The following SPECC1 variants were observed in gnomAD, a reference collection of about 807,000 sequenced individuals.
SPECC1 encodes sperm antigen with calponin homology and coiled-coil domains 1.
In SPECC1, 62 loss-of-function variants were observed where a neutral mutation model predicts 104.1. The observed-to-expected ratio is 0.60, with a 90% CI of 0.49 to 0.74. SPECC1 has a LOEUF of 0.74. Among genes scored for constraint, SPECC1 ranks in the 30% least tolerant of loss-of-function variants. The pLI is 0.00. For missense variants in SPECC1, 1,306 were observed against 1,310.5 expected (o/e 1.00, Z 0.05); for synonymous variants, 513 against 501.6 (o/e 1.02, Z -0.30).
intron 3 of SPECC1, among the ~76,000 whole-genome samples, chr17:20,202,213 T>A (rs139274393): frequency 1.2e-4 from 18 of 152,246 alleles, no homozygotes; most frequent in African/African-American, 3.6e-4. Context: ...CTTCCTGATG[T>A]TGTTGCAGTG....
chr17:20,077,183 G>A (rs1436341055), intron 1 of SPECC1, among the ~76,000 whole-genome samples: 1 of 152,066 alleles, frequency 6.6e-6, no homozygotes, highest in African/African-American at 2.4e-5. Flanking sequence ...CTATGTTAGA[G>A]ATCTAAGTTC....
At chr17:20,062,485 C>G (rs1009076382) in intron 1 of SPECC1, among the ~76,000 whole-genome samples, 16 of 151,988 alleles carry the variant, frequency 1.1e-4, no homozygotes, top group Non-Finnish European at 2.9e-5. Flanking sequence ...ACCTCAGCCT[C>G]CCAAGTAGTT....
Position 20,089,429 on chromosome 17 carries a change from C to A in SPECC1, c.-21-7202C>A, listed in dbSNP as rs1291510869. Among the ~76,000 whole-genome samples the A allele has an allele frequency of 2.0e-5, 3 of 151,428 alleles. No homozygotes were observed. The East Asian group carries it at 5.8e-4, about 29-fold the overall frequency. ...ATCACTTGAGCCCATGAGTTTGAGACCAGCCTAGGCAACAAGGTGAGATTT... is the reference window on the plus strand; with the variant it reads ...ATCACTTGAGCCCATGAGTTTGAGAACAGCCTAGGCAACAAGGTGAGATTT... On this transcript the variant is annotated intron_variant, in intron 1 of 14. Transcript: ENST00000395527.
intron 13 of SPECC1, among the ~76,000 whole-genome samples, chr17:20,304,513 C>G (rs955729554): frequency 6.6e-6 from 1 of 152,084 alleles, no homozygotes; most frequent in Admixed American, 6.5e-5. Context: ...CACACTAGGG[C>G]TGAATGATTG....
intron 1 of SPECC1, among the ~76,000 whole-genome samples, chr17:20,085,751 C>T (rs1181988332): frequency 1.3e-5 from 2 of 152,184 alleles, no homozygotes; most frequent in African/African-American, 4.8e-5. Context: ...CTTAATCTGG[C>T]AACAATAAGG....
At chr17:20,080,145 C>G (rs1017095905) in intron 1 of SPECC1, among the ~76,000 whole-genome samples, 1 of 152,104 alleles carries the variant, frequency 6.6e-6, no homozygotes, top group African/African-American at 2.4e-5. Context: ...TGAAATGATG[C>G]TAAATTTAAA....
rs1597595805 is a variant in SPECC1 at position 20,036,087 on chromosome 17, A to G, written c.-22+26663A>G. ...CGGCCTCCCAAAGTGGTGGGATTAC[A>G]GGCATGAGCCACTGCGCTTGGCTGC... On this transcript the variant is annotated intron_variant, in intron 1 of 14. Coordinates refer to ENST00000395527, the MANE Select transcript of SPECC1 (RefSeq NM_001243439.2). Among the ~76,000 whole-genome samples, 3 of 152,262 alleles carry G rather than the reference A, an allele frequency of 2.0e-5. No individual in the cohort carries two copies. The East Asian group carries it at 5.8e-4, about 29-fold the overall frequency.
intron 14 of SPECC1, 37 bp from the exon 15 acceptor site, chr17:20,313,939 T>G: frequency 6.2e-7 from 1 of 1,601,386 alleles, no homozygotes; most frequent in Non-Finnish European, 8.5e-7. Flanking sequence ...TGTGATGTCC[T>G]GCCTTGTGAT....
Position 20,245,986 on chromosome 17 carries a change from CTG to C in SPECC1, c.2416_2417del (p.Val806Ter). 1.2e-6 allele frequency: 2 copies of C among 1,614,166 alleles called. No homozygotes were observed. The highest frequency in any genetic ancestry group is 1.7e-6 in the Non-Finnish European group (2 of 1,180,030). ...VDAAGRWPGV[C>X]VSRTSPTPPE... ...ATGCTGCTGGTCGGTGGCCTGGTGT[CTG>C]TGTTAGCAGAACATCTCCAACACCC... On this transcript the variant is annotated frameshift_variant, in exon 8 of 15. Transcript: ENST00000395527. LOFTEE classifies it high-confidence loss of function.
At chr17:20,257,010 G>T (rs2039857800) in intron 10 of SPECC1, among the ~76,000 whole-genome samples, 1 of 152,158 alleles carries the variant, frequency 6.6e-6, no homozygotes, top group Non-Finnish European at 1.5e-5. Context: ...CTTTTCTCTT[G>T]TCAAGTAGTT....
intron 3 of SPECC1, among the ~76,000 whole-genome samples, chr17:20,113,382 T>C (rs1030927973): frequency 6.6e-6 from 1 of 152,184 alleles, no homozygotes; most frequent in Admixed American, 6.6e-5. Context: ...ATGCAATTTA[T>C]ATTTATTGAA....
intron 4 of SPECC1, 64 bp downstream of exon 4, chr17:20,205,976 C>T: frequency 6.5e-7 from 1 of 1,530,604 alleles, no homozygotes; most frequent in East Asian, 2.3e-5. Flanking sequence ...CCCTTAACCT[C>T]TAAATTCACA....
intron 1 of SPECC1, among the ~76,000 whole-genome samples, chr17:20,095,385 T>C (rs1444770433): frequency 6.6e-6 from 1 of 152,112 alleles, no homozygotes; most frequent in Non-Finnish European, 1.5e-5. Flanking sequence ...TTTAAAGGAG[T>C]GTTTCCACTG....
At chr17:20,019,897 G>A (rs2044305431) in intron 1 of SPECC1, among the ~76,000 whole-genome samples, 2 of 151,952 alleles carry the variant, frequency 1.3e-5, no homozygotes, top group African/African-American at 4.8e-5. Context: ...TGGTTTTATT[G>A]GATAGTTTTT....
intron 3 of SPECC1, among the ~76,000 whole-genome samples, chr17:20,154,566 T>G (rs2032291508): frequency 6.6e-6 from 1 of 152,038 alleles, no homozygotes; most frequent in Non-Finnish European, 1.5e-5. Flanking sequence ...AGAGGAGGAT[T>G]ATTCAGGGCC....
intron 1 of SPECC1, among the ~76,000 whole-genome samples, chr17:20,058,743 A>C (rs1041326069): frequency 1.9e-4 from 28 of 151,222 alleles, no homozygotes; most frequent in African/African-American, 6.5e-4. Flanking sequence ...GGCACCAGGG[A>C]CTGGTTTTGT....
intron 1 of SPECC1, among the ~76,000 whole-genome samples, chr17:20,050,064 A>AC (rs554179925): frequency 5.1e-4 from 77 of 152,150 alleles, no homozygotes; most frequent in African/African-American, 1.8e-3. Flanking sequence ...TGATCTGCCC[A>AC]CCTTGGCCTC....
At chr17:20,095,754 G>A (rs2047616009) in intron 1 of SPECC1, 1 of 152,544 alleles carries the variant, frequency 6.6e-6, no homozygotes, top group Non-Finnish European at 1.5e-5. Flanking sequence ...CATTTCTGAT[G>A]TTCTTTGAAA....
rs1397873984 is a variant in SPECC1 at position 20,318,662 on chromosome 17, A to G, written c.*4597A>G. The G allele has an allele frequency of 8.8e-6, 2 of 227,136 alleles. No homozygotes were observed. Among genetic ancestry groups the G allele is most frequent in the Non-Finnish European group, 1.7e-5 (2 of 114,312 alleles). The allele number at this position is 227,136 out of a possible 1,614,324, so 14.1% of individuals were successfully genotyped here. On this transcript the variant is annotated 3_prime_UTR_variant, in exon 15 of 15. Coordinates refer to ENST00000395527, the MANE Select transcript of SPECC1 (RefSeq NM_001243439.2). ...CTCACCCTTCCAAAGCTCGAGTGCC[A>G]TTTTGAGATGACCTACCAATGACAT...
Sources: gnomAD v4.1 joint callset for allele counts (sites outside exome capture counted in the v4.1 genomes callset) on GRCh38, gnomAD v4.1.1 for gene constraint, MANE v1.5 for transcripts, NCBI Gene and HGNC (gene_info 2026-07-23, HGNC 2026-07-21) for gene names.